The following NLN variants were observed in gnomAD, a reference collection of about 807,000 sequenced individuals.
The protein encoded by NLN is neurolysin.
In NLN, 64 loss-of-function variants were observed where a neutral mutation model predicts 79.9. The ratio of observed to expected loss-of-function variants is 0.80; its 90% CI spans 0.65 to 0.99. NLN has a LOEUF of 0.99. NLN is among the 50% of genes least tolerant of loss of function. The pLI, the probability that NLN is intolerant of heterozygous loss-of-function variation, is 0.00. For synonymous variants in NLN, 267 were observed against 296.6 expected (o/e 0.90, Z 1.02); for missense variants, 835 against 858.7 (o/e 0.97, Z 0.34).
intron 1 of NLN, among the ~76,000 whole-genome samples, chr5:65,727,703 A>G (rs969930043): frequency 6.6e-6 from 1 of 152,210 alleles, no homozygotes; most frequent in African/African-American, 2.4e-5. Context: ...AACAATATTT[A>G]GCCGAAACAA....
At chr5:65,776,931 C>T (rs1030131376) in intron 3 of NLN, among the ~76,000 whole-genome samples, 2 of 152,176 alleles carry the variant, frequency 1.3e-5, no homozygotes, top group Non-Finnish European at 2.9e-5. Flanking sequence ...GGCTTTTGCT[C>T]GGGCTTTATC....
chr5:65,767,773 G>A (rs1395295916), intron 3 of NLN, among the ~76,000 whole-genome samples: 2 of 152,196 alleles, frequency 1.3e-5, no homozygotes, highest in Non-Finnish European at 2.9e-5. Context: ...ATGGCTGTAT[G>A]CTGTTAGGAG....
intron 12 of NLN, among the ~76,000 whole-genome samples, chr5:65,820,282 T>A (rs774307287): frequency 3.3e-5 from 5 of 152,204 alleles, no homozygotes; most frequent in African/African-American, 4.8e-5. Flanking sequence ...GATACATACA[T>A]CTTGAGGCTG....
chr5:65,751,060 C>T (rs963795420), intron 1 of NLN, among the ~76,000 whole-genome samples: 24 of 152,112 alleles, frequency 1.6e-4, no homozygotes, highest in South Asian at 6.2e-4. Flanking sequence ...ACAGGAATTC[C>T]GGTCTTGTGG....
chr5:65,776,383 G>C (rs1759680078), intron 3 of NLN, among the ~76,000 whole-genome samples: 1 of 152,210 alleles, frequency 6.6e-6, no homozygotes, highest in South Asian at 2.1e-4. Context: ...TTGCAGCACA[G>C]ATCTAGCACC....
Position 65,811,152 on chromosome 5 carries a change from A to T in NLN, c.1843+987A>T, listed in dbSNP as rs144066513. On this transcript the variant is annotated intron_variant, in intron 11 of 12. Transcript: ENST00000380985. ...TAAGCCAATATATAGTTGTGCTTTT[A>T]TATGTAGTTGGTAAGGTGGATTTTT... Among the ~76,000 whole-genome samples, 878 of 152,238 alleles carry T rather than the reference A, an allele frequency of 5.8e-3. 6 individuals are homozygous for T. The highest frequency in any genetic ancestry group is 0.02 in the African/African-American group (840 of 41,526).
intron 1 of NLN, among the ~76,000 whole-genome samples, chr5:65,738,890 G>A (rs1056131949): frequency 2.0e-5 from 3 of 146,454 alleles, no homozygotes; most frequent in Non-Finnish European, 3.0e-5. Flanking sequence ...CTGAGTAGCT[G>A]GGATCACAGG....
chr5:65,741,065 G>T (rs1758858968), intron 1 of NLN: 1 of 152,496 alleles, frequency 6.6e-6, no homozygotes, highest in South Asian at 2.1e-4. Context: ...TTAGTACAGG[G>T]TTTCACCAGT....
chr5:65,803,327 C>T lies in NLN; in HGVS notation c.1528-6188C>T, dbSNP rs191400470. Among the ~76,000 whole-genome samples, 201 of 152,326 alleles carry T rather than the reference C, an allele frequency of 1.3e-3. 1 individual carries two copies. The highest frequency in any genetic ancestry group is 9.6e-4 in the Non-Finnish European group (65 of 68,028). On this transcript the variant is annotated intron_variant, in intron 9 of 12. Transcript: ENST00000380985. ...GCACCTGCAGGCCAGTGCCAAGCCA[C>T]GCTCAGTTCCCCCCTCAGCTTCCCT... is the stretch of plus-strand genomic sequence containing the variant.
At chr5:65,787,858 C>T (rs1051590162) in intron 7 of NLN, among the ~76,000 whole-genome samples, 1 of 152,300 alleles carries the variant, frequency 6.6e-6, no homozygotes, top group Admixed American at 6.5e-5. Context: ...AATTGAGGAA[C>T]TCATGGCCCA....
chr5:65,759,314 C>A (rs1219448656), intron 2 of NLN, among the ~76,000 whole-genome samples: 3 of 151,970 alleles, frequency 2.0e-5, no homozygotes, highest in Non-Finnish European at 4.4e-5. Context: ...GAAAAGGACA[C>A]AGAAGAACTG....
At chr5:65,821,623 G>T (rs1760801254) in intron 12 of NLN, among the ~76,000 whole-genome samples, 1 of 152,158 alleles carries the variant, frequency 6.6e-6, no homozygotes, top group South Asian at 2.1e-4. Context: ...TTATGTTTCT[G>T]TTGGACAGTG....
intron 1 of NLN, among the ~76,000 whole-genome samples, chr5:65,746,651 G>A (rs1758986268): frequency 6.6e-6 from 1 of 152,182 alleles, no homozygotes; most frequent in Non-Finnish European, 1.5e-5. Flanking sequence ...TACTTAAGGT[G>A]GAGAAATGTA....
At chr5:65,753,836 A>C (rs375454692) in intron 1 of NLN, among the ~76,000 whole-genome samples, 6 of 152,160 alleles carry the variant, frequency 3.9e-5, no homozygotes, top group Middle Eastern at 6.8e-3. Flanking sequence ...TTTTACCTAT[A>C]CTGGGACTTC....
chr5:65,726,980 G>A (rs543763225), intron 1 of NLN, among the ~76,000 whole-genome samples: 1 of 151,708 alleles, frequency 6.6e-6, no homozygotes, highest in African/African-American at 2.4e-5. Flanking sequence ...TTTCTTGTTG[G>A]CAGAGCTGCT....
chr5:65,817,704 T>A (rs991226725), intron 12 of NLN, among the ~76,000 whole-genome samples: 1 of 152,182 alleles, frequency 6.6e-6, no homozygotes. Context: ...TCAAGAGAGT[T>A]AAGTGTAACT....
Position 65,758,744 on chromosome 5 carries a change from T to C in NLN, c.219T>C (p.Asp73=), listed in dbSNP as rs1389234085. The change falls in exon 2 of 13, where the codon GAT becomes GAC. Residue 73 remains aspartate (D), a synonymous_variant. Coordinates refer to ENST00000380985, the MANE Select transcript of NLN (RefSeq NM_020726.5). ...ELIVQTKQVY[D]AVGMLGIEEV... is the part of the protein sequence containing the mutation. ...TTGTGCAGACCAAACAGGTGTACGATGCTGTTGGAATGCTCGGTATTGAGG... is the reference window on the plus strand; with the variant it reads ...TTGTGCAGACCAAACAGGTGTACGACGCTGTTGGAATGCTCGGTATTGAGG... The C allele has an allele frequency of 5.6e-6, 9 of 1,613,486 alleles. No individual in the cohort carries two copies. Among genetic ancestry groups the C allele is most frequent in the Non-Finnish European group, 7.6e-6 (9 of 1,179,582 alleles).
At chr5:65,793,900 T>C (rs1579956192) in intron 9 of NLN, among the ~76,000 whole-genome samples, 2 of 152,328 alleles carry the variant, frequency 1.3e-5, no homozygotes, top group East Asian at 3.9e-4. Flanking sequence ...GAAGCCAGCA[T>C]TGATACAGTA....
intron 11 of NLN, among the ~76,000 whole-genome samples, chr5:65,811,633 C>T (rs141441705): frequency 2.6e-5 from 4 of 152,162 alleles, no homozygotes; most frequent in African/African-American, 9.6e-5. Flanking sequence ...ACCAGCCTGA[C>T]CAAAGTGGTG....
Sources: allele counts gnomAD v4.1 joint callset (sites outside exome capture counted in the v4.1 genomes callset), GRCh38; gene constraint gnomAD v4.1.1; transcripts MANE v1.5; gene names NCBI Gene and HGNC (gene_info 2026-07-23, HGNC 2026-07-21).